The following PARD3 variants were observed in gnomAD, a reference collection of about 807,000 sequenced individuals.
The protein encoded by PARD3 is partitioning defective 3 homolog.
PARD3 carries 75 observed loss-of-function variants against 155.4 expected under a neutral mutation model. That is an observed-to-expected ratio of 0.48 (90% CI 0.40 to 0.58). PARD3 has a LOEUF of 0.58. Ranked by LOEUF, PARD3 falls within the 20% of genes least tolerant of loss-of-function variation. PARD3 has a pLI of 0.00. For synonymous variants in PARD3, 576 were observed against 610.5 expected (o/e 0.94, Z 0.83); for missense variants, 1,642 against 1,721.7 (o/e 0.95, Z 0.82).
intron 3 of PARD3, among the ~76,000 whole-genome samples, chr10:34,498,108 T>C (rs2080414582): frequency 6.6e-6 from 1 of 152,092 alleles, no homozygotes; most frequent in African/African-American, 2.4e-5. Context: ...CCAATAAGAT[T>C]GTAGGTAAGT....
At chr10:34,415,017 G>A (rs1379169276) in intron 5 of PARD3, among the ~76,000 whole-genome samples, 7 of 152,072 alleles carry the variant, frequency 4.6e-5, no homozygotes, top group Non-Finnish European at 1.0e-4. Flanking sequence ...TCTTACAGGT[G>A]AAAGACAAAA....
At position 34,358,618 on chromosome 10, in the gene PARD3, A is replaced by G. The variant is rs1385947985; in HGVS notation, c.2067+529T>C. ...TGAGGCAGGAGAATCCCTTGAGCCC[A>G]GAAGATGGAGGCTGCAGCGAGCTGT... is the stretch of plus-strand genomic sequence containing the variant. On this transcript the variant is annotated intron_variant, in intron 14 of 24. Coordinates refer to ENST00000374788, the MANE Select transcript of PARD3 (RefSeq NM_001184785.2). Among the ~76,000 whole-genome samples the G allele has an allele frequency of 2.0e-5, 3 of 152,224 alleles. No homozygotes were observed. The East Asian group carries it at 5.8e-4, about 29-fold the overall frequency.
chr10:34,350,633 C>CGGGGGGGGG (rs113142401), intron 14 of PARD3, among the ~76,000 whole-genome samples: 4 of 40,746 alleles, frequency 9.8e-5, no homozygotes, highest in Admixed American at 7.0e-4. Context: ...TCCATCTTGG[C>CGGGGGGGGG]GGGGGGGGAG....
intron 19 of PARD3, among the ~76,000 whole-genome samples, chr10:34,321,022 A>T (rs1958340344): frequency 1.3e-5 from 2 of 152,206 alleles, no homozygotes; most frequent in Non-Finnish European, 2.9e-5. Flanking sequence ...TTGATAGAGA[A>T]AAATCTTTAT....
Position 34,686,922 on chromosome 10 carries a change from G to A in PARD3, c.222+9396C>T, listed in dbSNP as rs193175367. On this transcript the variant is annotated intron_variant, in intron 2 of 24. Coordinates refer to ENST00000374788, the MANE Select transcript of PARD3 (RefSeq NM_001184785.2). ...AAATTAGCTGGGAGTGGTGGTGAGC[G>A]CCTGTAATCCCAGCTACTCGGGAGG... Among the ~76,000 whole-genome samples the A allele has an allele frequency of 4.9e-3, 744 of 151,614 alleles. 3 individuals carry two copies. Among genetic ancestry groups the A allele is most frequent in the Non-Finnish European group, 7.7e-3 (522 of 67,896 alleles).
intron 3 of PARD3, among the ~76,000 whole-genome samples, chr10:34,509,862 T>A (rs1187086480): frequency 6.6e-6 from 1 of 152,160 alleles, no homozygotes; most frequent in Non-Finnish European, 1.5e-5. Context: ...CATAAAAACT[T>A]CCAGGATGAC....
At chr10:34,779,302 T>C (rs921442512) in intron 1 of PARD3, among the ~76,000 whole-genome samples, 3 of 144,512 alleles carry the variant, frequency 2.1e-5, no homozygotes, top group Non-Finnish European at 4.5e-5. Flanking sequence ...CTAGACTCCA[T>C]CTCAAAAAAT....
chr10:34,665,011 CAG>C (rs2093415515), intron 2 of PARD3, among the ~76,000 whole-genome samples: 2 of 149,522 alleles, frequency 1.3e-5, no homozygotes, highest in Non-Finnish European at 3.0e-5. Context: ...GAGACAGAGA[CAG>C]GGAGGGAAAG....
chr10:34,746,357 G>A (rs2133918394), intron 1 of PARD3, among the ~76,000 whole-genome samples: 1 of 152,092 alleles, frequency 6.6e-6, no homozygotes, highest in East Asian at 1.9e-4. Context: ...GCTGAGGCGG[G>A]AGGATTGCCT....
chr10:34,212,468 T>C (rs1951799942), intron 22 of PARD3, among the ~76,000 whole-genome samples: 2 of 152,218 alleles, frequency 1.3e-5, no homozygotes, highest in South Asian at 4.1e-4. Flanking sequence ...TTTGTTTCCA[T>C]CATTCAAAAG....
chr10:34,729,216 T>C (rs1273482028), intron 1 of PARD3, among the ~76,000 whole-genome samples: 1 of 152,212 alleles, frequency 6.6e-6, no homozygotes, highest in South Asian at 2.1e-4. Flanking sequence ...AAATGCTGAA[T>C]GCAGCCTACG....
At position 34,318,458 on chromosome 10, in the gene PARD3, T is replaced by C. The variant is rs372491047; in HGVS notation, c.2834-1120A>G. ...TCTTATAACAAAGAGCCAAACAGAA[T>C]GGTTCGGCCTCTTCCCAAACTTTTG... On this transcript the variant is annotated intron_variant, in intron 19 of 24. Coordinates refer to ENST00000374788, the MANE Select transcript of PARD3 (RefSeq NM_001184785.2). 2.6e-5 allele frequency among the ~76,000 whole-genome samples: 4 copies of C among 152,328 alleles called. No individual in the cohort carries two copies. The East Asian group carries it at 5.8e-4, about 22-fold the overall frequency.
chr10:34,220,277 G>C (rs543109779), intron 22 of PARD3, among the ~76,000 whole-genome samples: 83 of 152,230 alleles, frequency 5.5e-4, no homozygotes, highest in Middle Eastern at 3.4e-3. Context: ...GATAGGGAGT[G>C]ACATCCCGCG....
chr10:34,605,098 C>T (rs1263421283), intron 2 of PARD3, among the ~76,000 whole-genome samples: 2 of 150,472 alleles, frequency 1.3e-5, no homozygotes, highest in East Asian at 3.9e-4. Flanking sequence ...TTTTGTTGTA[C>T]ACTAGGGTGG....
chr10:34,779,631 T>C (rs1588710229), intron 1 of PARD3, among the ~76,000 whole-genome samples: 1 of 152,102 alleles, frequency 6.6e-6, no homozygotes, highest in South Asian at 2.1e-4. Context: ...AAAAATAAAA[T>C]AAAATAAAGC....
At chr10:34,160,861 T>C (rs1459439086) in intron 22 of PARD3, among the ~76,000 whole-genome samples, 1 of 152,188 alleles carries the variant, frequency 6.6e-6, no homozygotes, top group Non-Finnish European at 1.5e-5. Context: ...AACCTGTTTA[T>C]AGTACCTAGG....
chr10:34,436,083 T>C (rs1017064045), intron 5 of PARD3, among the ~76,000 whole-genome samples: 1 of 152,170 alleles, frequency 6.6e-6, no homozygotes, highest in African/African-American at 2.4e-5. Flanking sequence ...ATTTAGAATA[T>C]GAAAAGAATA....
At chr10:34,686,110 AAC>A in intron 2 of PARD3, among the ~76,000 whole-genome samples, 1 of 152,304 alleles carries the variant, frequency 6.6e-6, no homozygotes, top group South Asian at 2.1e-4. Context: ...GCTTTTCACT[AAC>A]ACATAATTTA....
chr10:34,410,548 A>C (rs17474408), intron 5 of PARD3, among the ~76,000 whole-genome samples: 10,203 of 152,236 alleles, frequency 0.067, 453 homozygotes, highest in Non-Finnish European at 0.096. Flanking sequence ...TCTATAACAT[A>C]ATGTTTCAAA....
Sources: allele counts gnomAD v4.1 joint callset (sites outside exome capture counted in the v4.1 genomes callset), GRCh38; gene constraint gnomAD v4.1.1; transcripts MANE v1.5; gene names NCBI Gene and HGNC (gene_info 2026-07-23, HGNC 2026-07-21).